The following CA1 variants were observed in gnomAD, a reference collection of about 807,000 sequenced individuals.
CA1 encodes carbonic anhydrase 1, also known as carbonate dehydratase I.
In CA1, 27 loss-of-function variants were observed where a neutral mutation model predicts 28.8. The ratio of observed to expected loss-of-function variants is 0.94; its 90% CI spans 0.69 to 1.29. The LOEUF is 1.29. Among genes scored for constraint, CA1 ranks in the 50% most tolerant of loss-of-function variants. The pLI is 0.00. For missense variants in CA1, 335 were observed against 310.5 expected, an observed-to-expected ratio of 1.08 and a Z score of -0.59; for synonymous variants, 121 against 108.8, an observed-to-expected ratio of 1.11 and a Z score of -0.70.
intron 1 of CA1, among the ~76,000 whole-genome samples, chr8:85,343,730 G>A (rs1809019128): frequency 6.6e-6 from 1 of 151,990 alleles, no homozygotes; most frequent in Admixed American, 6.6e-5. Context: ...TTTATTTAAA[G>A]TTTTAGGCAC....
chr8:85,338,927 G>C (rs1447029837), intron 2 of CA1, among the ~76,000 whole-genome samples: 1 of 151,614 alleles, frequency 6.6e-6, no homozygotes, highest in African/African-American at 2.4e-5. Context: ...TGTTGTCCAG[G>C]CTTGTCTCGA....
rs146077655 is a variant in CA1 at position 85,328,601 on chromosome 8, T to G, written c.745A>C (p.Thr249Pro). Residue 249 changes from threonine to proline, a missense_variant, in exon 8 of 8, where the codon ACC becomes CCC. Transcript: ENST00000523022. ...AVPMQHNNRP[T>P]QPLKGRTVRA... ...ACTGTTCTGCCCTTCAGAGGTTGGG[T>G]TGGGCGGTTGTTGTGCTGCATGGGG... The G allele has an allele frequency of 6.2e-7, 1 of 1,611,630 alleles. No homozygotes were observed. The highest frequency in any genetic ancestry group is 8.5e-7 in the Non-Finnish European group (1 of 1,178,448).
chr8:85,366,746 A>G (rs1372004713), intron 1 of CA1, among the ~76,000 whole-genome samples: 4 of 152,236 alleles, frequency 2.6e-5, no homozygotes, highest in African/African-American at 4.8e-5. Context: ...GTGATACTAG[A>G]CAAGTGCATT....
chr8:85,364,533 C>T, intron 1 of CA1, among the ~76,000 whole-genome samples: 2 of 152,312 alleles, frequency 1.3e-5, no homozygotes, highest in Middle Eastern at 3.4e-3. Flanking sequence ...AAGCAAGTGA[C>T]TTATTTTGTC....
At chr8:85,368,205 G>T (rs761438128) in intron 1 of CA1, among the ~76,000 whole-genome samples, 1 of 151,958 alleles carries the variant, frequency 6.6e-6, no homozygotes, top group African/African-American at 2.4e-5. Context: ...GTCTCACTCT[G>T]TTGCCAGGCT....
intron 2 of CA1, among the ~76,000 whole-genome samples, chr8:85,339,789 G>C (rs779093685): frequency 6.6e-6 from 1 of 152,206 alleles, no homozygotes; most frequent in Non-Finnish European, 1.5e-5. Flanking sequence ...TATGGAGAAA[G>C]TTTGCATAGT....
chr8:85,328,313 C>A lies in CA1; in HGVS notation c.*247G>T. ...ACTTAGTTGTAATTTTAAAGAATTC[C>A]TCAAACTAAACTTGAATTTAAGCAT... is the stretch of plus-strand genomic sequence containing the variant. On this transcript the variant is annotated 3_prime_UTR_variant, in exon 8 of 8. Coordinates refer to ENST00000523022, the MANE Select transcript of CA1 (RefSeq NM_001128831.4). 1.4e-5 allele frequency: 4 copies of A among 278,900 alleles called. No individual in the cohort carries two copies. The highest frequency in any genetic ancestry group is 9.1e-5 in the South Asian group (1 of 10,936). 17.3% of individuals were successfully genotyped at this position (278,900 alleles called of 1,614,324 possible).
At chr8:85,353,423 A>G (rs1212247266) in intron 1 of CA1, among the ~76,000 whole-genome samples, 1 of 152,200 alleles carries the variant, frequency 6.6e-6, no homozygotes, top group Non-Finnish European at 1.5e-5. Flanking sequence ...TTATCAATTT[A>G]TTTCATATAT....
At chr8:85,338,665 TTTCTTTCTTTC>T (rs1359428407) in intron 2 of CA1, among the ~76,000 whole-genome samples, 4 of 108,950 alleles carry the variant, frequency 3.7e-5, no homozygotes, top group African/African-American at 1.3e-4. Flanking sequence ...TCTTTCTTTC[TTTCTTTCTTTC>T]TTTCTTTCCT....
chr8:85,356,473 G>T (rs781605685), intron 1 of CA1, among the ~76,000 whole-genome samples: 1 of 151,940 alleles, frequency 6.6e-6, no homozygotes. Flanking sequence ...TAAATGCAAG[G>T]TACTCTTATT....
chr8:85,371,991 G>T (rs1029449088), intron 1 of CA1, among the ~76,000 whole-genome samples: 1 of 152,160 alleles, frequency 6.6e-6, no homozygotes, highest in African/African-American at 2.4e-5. Flanking sequence ...TCATAATGTT[G>T]TACAGGAGAA....
In CA1 at chr8:85,329,761, CAGAG is replaced by C. The variant is rs1274579049; in HGVS notation, c.593_596del (p.Ser198Ter). The C allele has an allele frequency of 1.9e-6, 3 of 1,606,536 alleles. No individual in the cohort carries two copies. Among genetic ancestry groups the C allele is most frequent in the Non-Finnish European group, 2.6e-6 (3 of 1,175,762 alleles). ...CACTCTCATAAAGAGGAGGATGAGT[CAGAG>C]AGCCAGGGTAGGTCCAGAAATCCAG... is the stretch of plus-strand genomic sequence containing the variant. On this transcript the variant is annotated frameshift_variant, in exon 7 of 8. Coordinates refer to ENST00000523022, the MANE Select transcript of CA1 (RefSeq NM_001128831.4). LOFTEE classifies it high-confidence loss of function.
intron 1 of CA1, among the ~76,000 whole-genome samples, chr8:85,368,688 CT>C (rs893618055): frequency 3.3e-5 from 5 of 151,552 alleles, no homozygotes; most frequent in African/African-American, 1.2e-4. Context: ...TAAAATTAAA[CT>C]TTTTTTTGGA....
chr8:85,344,101 T>A (rs890343458), intron 1 of CA1, among the ~76,000 whole-genome samples: 2 of 103,402 alleles, frequency 1.9e-5, no homozygotes, highest in Admixed American at 9.8e-5. Flanking sequence ...ATATATATAC[T>A]TTTAAATTTT....
intron 1 of CA1, among the ~76,000 whole-genome samples, chr8:85,368,657 A>G (rs1339006918): frequency 6.6e-6 from 1 of 152,064 alleles, no homozygotes; most frequent in East Asian, 1.9e-4. Context: ...TAATTGTTCA[A>G]GATTGATTTT....
chr8:85,344,859 C>T (rs753518968), intron 1 of CA1, among the ~76,000 whole-genome samples: 2 of 152,194 alleles, frequency 1.3e-5, no homozygotes, highest in Non-Finnish European at 2.9e-5. Flanking sequence ...TCCTGGGATT[C>T]ATATTTTCCC....
At chr8:85,340,755 G>A (rs1808879759) in intron 2 of CA1, among the ~76,000 whole-genome samples, 1 of 152,170 alleles carries the variant, frequency 6.6e-6, no homozygotes, top group South Asian at 2.1e-4. Context: ...TAATTCCAAA[G>A]TCATGGATAA....
rs751991711 is a variant in CA1, at chr8:85,328,515, G to A, written c.*45C>T. 5.6e-5 allele frequency: 56 copies of A among 993,260 alleles called. No individual in the cohort carries two copies. The Middle Eastern group carries it at 3.3e-3, about 59-fold the overall frequency. The allele number at this position is 993,260 out of a possible 1,614,324, so 61.5% of individuals were successfully genotyped here. A position where few individuals can be genotyped will look rare whatever the true frequency, so the allele number is the denominator to read the frequency against. Reference sequence around the variant, plus strand: ...ATTATTTTACTGGATTATGTCAGAAGCAGGGCTGTGTTCTTGAGGAAGGAC... The same window carrying A: ...ATTATTTTACTGGATTATGTCAGAAACAGGGCTGTGTTCTTGAGGAAGGAC... On this transcript the variant is annotated 3_prime_UTR_variant, in exon 8 of 8. Coordinates refer to ENST00000523022, the MANE Select transcript of CA1 (RefSeq NM_001128831.4).
At chr8:85,371,273 G>A (rs1810216020) in intron 1 of CA1, among the ~76,000 whole-genome samples, 1 of 152,130 alleles carries the variant, frequency 6.6e-6, no homozygotes, top group African/African-American at 2.4e-5. Flanking sequence ...TTTCCTAAAG[G>A]TAAGCCTCTG....
Sources: allele counts gnomAD v4.1 joint callset (sites outside exome capture counted in the v4.1 genomes callset), GRCh38; gene constraint gnomAD v4.1.1; transcripts MANE v1.5; gene names NCBI Gene and HGNC (gene_info 2026-07-23, HGNC 2026-07-21).